ATPSCKMT: variants seen among roughly 807,000 people sequenced by gnomAD.
ATPSCKMT encodes the protein ATP synthase c subunit lysine N-methyltransferase.
In ATPSCKMT, 24 loss-of-function variants were observed where a neutral mutation model predicts 24.3. The observed-to-expected ratio is 0.99, with a 90% confidence interval of 0.71 to 1.39. ATPSCKMT has a LOEUF of 1.39. Ranked by LOEUF, ATPSCKMT falls within the 40% of genes most tolerant of loss-of-function variation. The probability of loss-of-function intolerance (pLI) is 0.00; values close to 1 mark genes in which losing one functional copy is unlikely to be tolerated. For missense variants in ATPSCKMT, 311 were observed against 298.4 expected (o/e 1.04, Z -0.31); for synonymous variants, 95 against 110.5 (o/e 0.86, Z 0.88).
Position 10,236,461 on chromosome 5 carries a change from T to C in ATPSCKMT, c.444+17A>G. 2 of 1,611,900 alleles carry C rather than the reference T, an allele frequency of 1.2e-6. No homozygotes were observed. The highest frequency in any genetic ancestry group is 1.7e-6 in the Non-Finnish European group (2 of 1,178,930). ...TTTCCCTTGGATTTCTCTAGGGCCA[T>C]TCTCTGCCTTACATACCTTCCACAA... On this transcript the variant is annotated intron_variant, in intron 3 of 4. Coordinates refer to ENST00000511437, the MANE Select transcript of ATPSCKMT (RefSeq NM_199133.4).
At chr5:10,249,176 C>T (rs554419667) in intron 1 of ATPSCKMT, among the ~76,000 whole-genome samples, 63 of 148,252 alleles carry the variant, frequency 4.2e-4, no homozygotes, top group Non-Finnish European at 6.5e-4. Context: ...GGCTGAGGCA[C>T]GAGAATCACT....
In ATPSCKMT at chr5:10,228,963, T is replaced by C. The variant is rs1045696143; in HGVS notation, c.496-1316A>G. On this transcript the variant is annotated intron_variant, in intron 4 of 4. Transcript: ENST00000511437. ...TACCGATTTTCAACATTTTGTCACA[T>C]TTGTTCTCTTCCTCTCTTTGAACAT... 4.6e-5 allele frequency among the ~76,000 whole-genome samples: 7 copies of C among 152,296 alleles called. No homozygotes were observed. In the South Asian group the frequency reaches 6.2e-4, roughly 14 times the overall value.
At chr5:10,242,084 A>G (rs1744670682) in intron 1 of ATPSCKMT, among the ~76,000 whole-genome samples, 1 of 152,178 alleles carries the variant, frequency 6.6e-6, no homozygotes, top group Non-Finnish European at 1.5e-5. Flanking sequence ...TGGTTGCTCA[A>G]TGATGAGGGT....
intron 4 of ATPSCKMT, among the ~76,000 whole-genome samples, chr5:10,230,006 T>C (rs7736903): frequency 0.58 from 87,773 of 152,096 alleles, 26,996 homozygotes; most frequent in East Asian, 0.85. Context: ...CTGGTTCCTC[T>C]TAGTGAGAAG....
At chr5:10,246,103 A>C (rs1744910759) in intron 1 of ATPSCKMT, among the ~76,000 whole-genome samples, 1 of 152,038 alleles carries the variant, frequency 6.6e-6, no homozygotes, top group Non-Finnish European at 1.5e-5. Flanking sequence ...CCCAGCCCTA[A>C]GCAACCACTA....
At chr5:10,243,985 C>G (rs898757168) in intron 1 of ATPSCKMT, among the ~76,000 whole-genome samples, 2 of 152,164 alleles carry the variant, frequency 1.3e-5, no homozygotes, top group Non-Finnish European at 2.9e-5. Context: ...TAATTTCTAG[C>G]TTTTCATTTA....
Position 10,236,587 on chromosome 5 carries a change from GTGAAC to G in ATPSCKMT, c.330_334del (p.Phe111SerfsTer5). On this transcript the variant is annotated frameshift_variant, in exon 3 of 5. Coordinates refer to ENST00000511437, the MANE Select transcript of ATPSCKMT (RefSeq NM_199133.4). LOFTEE classifies it high-confidence loss of function. ...TGGGTTTAATTCATAACCAACTGCT[GTGAAC>G]CCTTTCTTCGCAGCCGCTATGACCT... The G allele has an allele frequency of 6.2e-7, 1 of 1,614,212 alleles. No individual in the cohort carries two copies. The highest frequency in any genetic ancestry group is 8.5e-7 in the Non-Finnish European group (1 of 1,180,028).
rs1298908042 is a variant in ATPSCKMT at position 10,225,667 on chromosome 5, A to G, written c.*1774T>C. On this transcript the variant is annotated 3_prime_UTR_variant, in exon 5 of 5. Transcript: ENST00000511437. ...TCACTATCATGAGAACAGCACAGGAAAGACCTGCCCCCATAATTCAATCAC... is the reference window on the plus strand; with the variant it reads ...TCACTATCATGAGAACAGCACAGGAGAGACCTGCCCCCATAATTCAATCAC... Among the ~76,000 whole-genome samples the G allele has an allele frequency of 6.6e-6, 1 of 152,172 alleles. No individual in the cohort carries two copies. Among genetic ancestry groups the G allele is most frequent in the African/African-American group, 2.4e-5 (1 of 41,440 alleles).
chr5:10,245,299 A>AG (rs1744862320), intron 1 of ATPSCKMT, among the ~76,000 whole-genome samples: 1 of 152,086 alleles, frequency 6.6e-6, no homozygotes. Flanking sequence ...GGGCGCCTGT[A>AG]GTCCCAGCTA....
intron 1 of ATPSCKMT, 58 bp from the exon 2 acceptor site, chr5:10,239,414 G>C: frequency 1.4e-6 from 2 of 1,462,868 alleles, no homozygotes; most frequent in Non-Finnish European, 1.9e-6. Context: ...ATCCAAGAGA[G>C]CATTTTTTTC....
chr5:10,242,829 T>C (rs779705060), intron 1 of ATPSCKMT, among the ~76,000 whole-genome samples: 3 of 152,256 alleles, frequency 2.0e-5, no homozygotes, highest in East Asian at 1.9e-4. Context: ...CATGTCCTTG[T>C]ACACCGCCAC....
At chr5:10,229,149 A>G (rs1744013731) in intron 4 of ATPSCKMT, among the ~76,000 whole-genome samples, 1 of 152,260 alleles carries the variant, frequency 6.6e-6, no homozygotes, top group Admixed American at 6.5e-5. Flanking sequence ...AATTCCAAAT[A>G]ACACTGCGAT....
intron 1 of ATPSCKMT, among the ~76,000 whole-genome samples, chr5:10,245,595 A>C (rs951563289): frequency 6.6e-6 from 1 of 151,898 alleles, no homozygotes; most frequent in African/African-American, 2.4e-5. Flanking sequence ...AAAATGCAAA[A>C]AATTAGCCAG....
rs1275533032 is a variant in ATPSCKMT at position 10,226,714 on chromosome 5, G to C, written c.*727C>G. On this transcript the variant is annotated 3_prime_UTR_variant, in exon 5 of 5. Transcript: ENST00000511437. ...ATGGACCAAAGACTAGGTGCCATGA[G>C]TTTTAGAAATTGGTCCCCACTCCAC... 6.6e-6 allele frequency: 1 copy of C among 152,204 alleles called. No individual in the cohort carries two copies. The highest frequency in any genetic ancestry group is 1.5e-5 in the Non-Finnish European group (1 of 68,042). 9.4% of individuals were successfully genotyped at this position (152,204 alleles called of 1,614,324 possible).
chr5:10,244,114 GAGAT>G (rs775714506), intron 1 of ATPSCKMT, among the ~76,000 whole-genome samples: 4 of 152,134 alleles, frequency 2.6e-5, no homozygotes, highest in Non-Finnish European at 4.4e-5. Flanking sequence ...GAGATGGAGA[GAGAT>G]AGAGGAATGG....
At chr5:10,248,793 C>G (rs1440064613) in intron 1 of ATPSCKMT, among the ~76,000 whole-genome samples, 2 of 152,192 alleles carry the variant, frequency 1.3e-5, no homozygotes, top group Non-Finnish European at 2.9e-5. Context: ...AATAATACAA[C>G]TTTATTAGTT....
chr5:10,237,045 C>A, intron 2 of ATPSCKMT: 1 of 1,285,986 alleles, frequency 7.8e-7, no homozygotes, highest in Middle Eastern at 2.1e-4. Flanking sequence ...AATAACCTGT[C>A]AATGAAAAAT....
Position 10,227,366 on chromosome 5 carries a change from G to T in ATPSCKMT, c.*75C>A. 1 of 1,477,758 alleles carries T rather than the reference G, an allele frequency of 6.8e-7. No homozygotes were observed. 91.5% of individuals were successfully genotyped at this position (1,477,758 alleles called of 1,614,324 possible). Reference sequence around the variant, plus strand: ...AAACCAAAGACAATTATGCTCCTTTGCTAAGGACACAGCTGTAAGTCTCTA... The same window carrying T: ...AAACCAAAGACAATTATGCTCCTTTTCTAAGGACACAGCTGTAAGTCTCTA... On this transcript the variant is annotated 3_prime_UTR_variant, in exon 5 of 5. Transcript: ENST00000511437.
At position 10,227,576 on chromosome 5, in the gene ATPSCKMT, A is replaced by C. The variant is rs760208258; in HGVS notation, c.567T>G (p.Pro189=). 6.2e-7 allele frequency: 1 copy of C among 1,614,234 alleles called. No homozygotes were observed. Among genetic ancestry groups the C allele is most frequent in the Non-Finnish European group, 8.5e-7 (1 of 1,180,044 alleles). Residue 189 remains proline, a synonymous_variant, in exon 5 of 5, where the codon CCT becomes CCG. Transcript: ENST00000511437. ...CGTGGTCTGGAGTCCAATGTGGGAA[A>C]GGGAACCGGCAAGCAATAACTCGTG... ...DDARVIACRF[P]FPHWTPDHVT...
Sources: gnomAD v4.1 joint callset for allele counts (sites outside exome capture counted in the v4.1 genomes callset) on GRCh38, gnomAD v4.1.1 for gene constraint, MANE v1.5 for transcripts, NCBI Gene and HGNC (gene_info 2026-07-23, HGNC 2026-07-21) for gene names.